TLL1: variants seen among roughly 807,000 people sequenced by gnomAD.
TLL1 encodes tolloid like 1.
Under a neutral mutation model 128.2 loss-of-function variants are expected in TLL1, and 49 were observed. That is an observed-to-expected ratio of 0.38 (90% CI 0.30 to 0.48). The LOEUF (loss-of-function observed/expected upper bound fraction) is 0.48. TLL1 is among the 20% of genes least tolerant of loss of function. The pLI is 0.96. For missense variants in TLL1, 1,123 were observed against 1,242.0 expected (o/e 0.90, Z 1.44); for synonymous variants, 454 against 418.8 (o/e 1.08, Z -1.03).
chr4:166,000,033 T>A (rs1050107085), intron 5 of TLL1, among the ~76,000 whole-genome samples: 1 of 152,204 alleles, frequency 6.6e-6, no homozygotes, highest in Non-Finnish European at 1.5e-5. Flanking sequence ...GATTTTGATT[T>A]ACCTGATTAC....
chr4:165,918,186 G>T (rs1035591005), intron 1 of TLL1, among the ~76,000 whole-genome samples: 2 of 152,156 alleles, frequency 1.3e-5, no homozygotes, highest in South Asian at 2.1e-4. Flanking sequence ...CAGTTCAATC[G>T]TTGTGTAATT....
chr4:165,973,486 T>G (rs1019509486), intron 1 of TLL1, among the ~76,000 whole-genome samples: 9 of 151,884 alleles, frequency 5.9e-5, no homozygotes, highest in South Asian at 2.1e-4. Flanking sequence ...TTGGTTACAG[T>G]CCCTTGCTTC....
chr4:166,059,863 A>G (rs936067681), intron 14 of TLL1, among the ~76,000 whole-genome samples, 165 bp from the exon 15 acceptor site: 2 of 152,126 alleles, frequency 1.3e-5, no homozygotes, highest in Admixed American at 1.3e-4. Context: ...TGACCACAAT[A>G]CTTGTATCAA....
chr4:165,928,892 T>G (rs907298647), intron 1 of TLL1, among the ~76,000 whole-genome samples: 3 of 152,184 alleles, frequency 2.0e-5, no homozygotes, highest in African/African-American at 7.2e-5. Flanking sequence ...TTTTAAAAAG[T>G]GTCTGATTTT....
At chr4:165,887,827 A>G (rs1461139729) in intron 1 of TLL1, among the ~76,000 whole-genome samples, 1 of 152,072 alleles carries the variant, frequency 6.6e-6, no homozygotes, top group Non-Finnish European at 1.5e-5. Context: ...GGCCTCCTTA[A>G]ATACTGTTTA....
chr4:166,095,693 T>C (rs1272886864), intron 19 of TLL1, among the ~76,000 whole-genome samples: 1 of 152,124 alleles, frequency 6.6e-6, no homozygotes, highest in East Asian at 1.9e-4. Context: ...TTTAATACTT[T>C]ACCAGGAAAT....
At chr4:165,924,100 A>C (rs1043445929) in intron 1 of TLL1, among the ~76,000 whole-genome samples, 2 of 152,130 alleles carry the variant, frequency 1.3e-5, no homozygotes, top group African/African-American at 4.8e-5. Context: ...TTTCTATTCC[A>C]TGAGACACAA....
intron 1 of TLL1, among the ~76,000 whole-genome samples, chr4:165,894,550 C>A (rs1462724607): frequency 2.0e-5 from 3 of 152,116 alleles, no homozygotes; most frequent in Non-Finnish European, 4.4e-5. Flanking sequence ...TCATTGCCAT[C>A]CAACTTAACC....
chr4:166,054,670 T>G (rs1451865469), intron 12 of TLL1, among the ~76,000 whole-genome samples: 1 of 151,110 alleles, frequency 6.6e-6, no homozygotes, highest in Non-Finnish European at 1.5e-5. Flanking sequence ...GCAGCAATTT[T>G]TATAACTATG....
chr4:165,902,674 T>C (rs115065291), intron 1 of TLL1, among the ~76,000 whole-genome samples: 58 of 152,268 alleles, frequency 3.8e-4, no homozygotes, highest in African/African-American at 1.3e-3. Flanking sequence ...ACCATCTGCA[T>C]TGATCTTGCT....
rs370562540 is a variant in TLL1, at chr4:165,992,495, A to G, written c.281-309A>G. 8.5e-5 allele frequency among the ~76,000 whole-genome samples: 13 copies of G among 152,188 alleles called. No homozygotes were observed. In the East Asian group the frequency reaches 1.9e-3, roughly 23 times the overall value. Reference sequence around the variant, plus strand: ...ACAACTTGCTGTCATTCTATGTAGCACTATGTGATGTCAAGGTCACAGTAA... The same window carrying G: ...ACAACTTGCTGTCATTCTATGTAGCGCTATGTGATGTCAAGGTCACAGTAA... On this transcript the variant is annotated intron_variant, in intron 2 of 20. Transcript: ENST00000061240.
At chr4:166,029,914 A>G (rs933629751) in intron 9 of TLL1, among the ~76,000 whole-genome samples, 4 of 151,926 alleles carry the variant, frequency 2.6e-5, no homozygotes, top group Non-Finnish European at 5.9e-5. Context: ...GGTTGCTTCT[A>G]CCTCTTGGCT....
intron 13 of TLL1, among the ~76,000 whole-genome samples, chr4:166,056,716 T>C (rs541258928): frequency 5.9e-5 from 9 of 152,314 alleles, no homozygotes; most frequent in African/African-American, 2.2e-4. Context: ...TAGGCTTCAT[T>C]ATCCTCATTT....
chr4:166,001,024 GA>G (rs1390715079), intron 5 of TLL1, among the ~76,000 whole-genome samples: 3 of 151,414 alleles, frequency 2.0e-5, no homozygotes, highest in East Asian at 3.9e-4. Context: ...ATTTGAAAAT[GA>G]AAAAAAAGGG....
intron 9 of TLL1, chr4:166,030,925 T>G: frequency 1.0e-6 from 1 of 980,870 alleles, no homozygotes; most frequent in Non-Finnish European, 1.2e-6. Context: ...TGGCTGCACA[T>G]TTAACTTTGT....
At chr4:166,003,866 T>C (rs1737279782) in intron 6 of TLL1, among the ~76,000 whole-genome samples, 1 of 151,666 alleles carries the variant, frequency 6.6e-6, no homozygotes, top group Non-Finnish European at 1.5e-5. Context: ...CATAAATTAA[T>C]ATTATTAAAT....
At chr4:165,879,724 G>A (rs1467184614) in intron 1 of TLL1, among the ~76,000 whole-genome samples, 2 of 151,670 alleles carry the variant, frequency 1.3e-5, no homozygotes, top group African/African-American at 4.9e-5. Flanking sequence ...AGACCATCTG[G>A]TGTCTAGGGA....
chr4:165,903,594 G>A (rs889114403), intron 1 of TLL1, among the ~76,000 whole-genome samples: 1 of 151,392 alleles, frequency 6.6e-6, no homozygotes, highest in African/African-American at 2.4e-5. Context: ...TGTATTTTTA[G>A]TAGAGACGGG....
intron 9 of TLL1, among the ~76,000 whole-genome samples, chr4:166,030,171 G>A: frequency 6.6e-6 from 1 of 152,018 alleles, no homozygotes; most frequent in East Asian, 1.9e-4. Context: ...CTGTTGTTTT[G>A]ATAGTAGCCA....
Sources: allele counts gnomAD v4.1 joint callset (sites outside exome capture counted in the v4.1 genomes callset), GRCh38; gene constraint gnomAD v4.1.1; transcripts MANE v1.5; gene names NCBI Gene and HGNC (gene_info 2026-07-23, HGNC 2026-07-21).